FRMD4A: variants seen among roughly 807,000 people sequenced by gnomAD.
The protein encoded by FRMD4A is FERM domain-containing protein 4A.
FRMD4A carries 29 observed loss-of-function variants against 129.1 expected under a neutral mutation model. The ratio of observed to expected loss-of-function variants is 0.22; its 90% confidence interval spans 0.17 to 0.31. The LOEUF (loss-of-function observed/expected upper bound fraction) is 0.31, where lower values mean the gene tolerates loss of function less well. Ranked by LOEUF, FRMD4A falls within the 10% of genes least tolerant of loss-of-function variation. FRMD4A has a pLI of 1.00. For synonymous variants in FRMD4A, 634 were observed against 571.6 expected, an observed-to-expected ratio of 1.11 and a Z score of -1.56; for missense variants, 1,272 against 1,375.8, an observed-to-expected ratio of 0.92 and a Z score of 1.19.
chr10:14,179,045 A>G (rs1841825139), intron 2 of FRMD4A, among the ~76,000 whole-genome samples: 1 of 152,182 alleles, frequency 6.6e-6, no homozygotes, highest in African/African-American at 2.4e-5. Context: ...AAACTTCTCT[A>G]GACTAGGAGC....
chr10:13,800,792 G>A (rs550446438), intron 4 of FRMD4A, among the ~76,000 whole-genome samples: 82 of 152,284 alleles, frequency 5.4e-4, no homozygotes, highest in African/African-American at 1.8e-3. Flanking sequence ...CATCCACAGA[G>A]GACAAACAGA....
At chr10:14,236,995 CAAAAA>C (rs71477244) in intron 2 of FRMD4A, among the ~76,000 whole-genome samples, 8,403 of 75,162 alleles carry the variant, frequency 0.11, 199 homozygotes, top group South Asian at 0.13. Flanking sequence ...AACAGGTCAG[CAAAAA>C]AAAAAAAAAA....
intron 2 of FRMD4A, among the ~76,000 whole-genome samples, chr10:14,027,007 A>G (rs920731258): frequency 1.3e-5 from 2 of 152,206 alleles, no homozygotes; most frequent in Non-Finnish European, 2.9e-5. Context: ...TATGGGTTAC[A>G]TGAGATATTT....
chr10:13,750,120 G>GAAAGAAAGAAAGAA (rs2091535391), intron 8 of FRMD4A, among the ~76,000 whole-genome samples: 2 of 133,784 alleles, frequency 1.5e-5, no homozygotes, highest in South Asian at 4.9e-4. Context: ...AAGAAAGAAA[G>GAAAGAAAGAAAGAA]AAAGAAAGAA....
At chr10:13,819,349 C>T (rs2093594832) in intron 3 of FRMD4A, among the ~76,000 whole-genome samples, 1 of 152,096 alleles carries the variant, frequency 6.6e-6, no homozygotes, top group Admixed American at 6.6e-5. Flanking sequence ...TTTGTACATT[C>T]CATTCTCCCC....
At chr10:13,701,604 C>G in intron 13 of FRMD4A, 126 bp from the exon 14 acceptor site, 1 of 773,806 alleles carries the variant, frequency 1.3e-6, no homozygotes, top group South Asian at 1.7e-5. Context: ...TAGATGAGCT[C>G]TCACATACAC....
intron 2 of FRMD4A, among the ~76,000 whole-genome samples, chr10:13,886,693 ATTTT>A (rs765407046): frequency 6.5e-4 from 99 of 152,146 alleles, no homozygotes; most frequent in Non-Finnish European, 1.1e-3. Flanking sequence ...CAATCCTCCC[ATTTT>A]AGCCTCCTGG....
At chr10:14,138,730 A>AGCCTG (rs1345779555) in intron 2 of FRMD4A, among the ~76,000 whole-genome samples, 3 of 152,056 alleles carry the variant, frequency 2.0e-5, no homozygotes, top group African/African-American at 7.2e-5. Flanking sequence ...ACTGCACTCC[A>AGCCTG]GCCTGGGCGA....
intron 2 of FRMD4A, among the ~76,000 whole-genome samples, chr10:14,305,389 C>A (rs372370596): frequency 1.5e-4 from 23 of 152,248 alleles, no homozygotes; most frequent in African/African-American, 5.5e-4. Flanking sequence ...GATTATATAT[C>A]TAAGAAATAT....
intron 12 of FRMD4A, among the ~76,000 whole-genome samples, chr10:13,713,899 TA>T (rs1208800974): frequency 7.6e-6 from 1 of 131,092 alleles, no homozygotes; most frequent in Non-Finnish European, 1.6e-5. Context: ...ATATATAATA[TA>T]TACATATATG....
chr10:13,776,501 G>A (rs142991698), intron 6 of FRMD4A, among the ~76,000 whole-genome samples: 58 of 152,332 alleles, frequency 3.8e-4, no homozygotes, highest in Admixed American at 3.9e-4. Flanking sequence ...CTATATGGAG[G>A]CAAATACTAG....
chr10:14,136,906 T>G (rs1395634097), intron 2 of FRMD4A, among the ~76,000 whole-genome samples: 22 of 152,240 alleles, frequency 1.4e-4, no homozygotes, highest in Non-Finnish European at 1.5e-5. Flanking sequence ...TACTTTTGAT[T>G]TCACAGGTAA....
At chr10:13,921,936 A>T (rs1441565592) in intron 2 of FRMD4A, among the ~76,000 whole-genome samples, 1 of 152,204 alleles carries the variant, frequency 6.6e-6, no homozygotes, top group African/African-American at 2.4e-5. Context: ...CTAACCTCCA[A>T]TGTGATGGTT....
intron 8 of FRMD4A, among the ~76,000 whole-genome samples, chr10:13,750,499 ACACGAAAGCTCAGAGGAAATAAAGG>A (rs2091562286): frequency 6.6e-6 from 1 of 152,202 alleles, no homozygotes; most frequent in Non-Finnish European, 1.5e-5. Flanking sequence ...CAAACAGCAG[ACACGAAAGCTCAGAGGAAATAAAGG>A]CACCCTTGGG....
intron 2 of FRMD4A, among the ~76,000 whole-genome samples, chr10:13,891,041 G>A (rs2094689765): frequency 6.6e-6 from 1 of 152,146 alleles, no homozygotes; most frequent in African/African-American, 2.4e-5. Context: ...CATTTGAGCA[G>A]CTGCCTCCAA....
intron 2 of FRMD4A, among the ~76,000 whole-genome samples, chr10:14,223,876 TG>T (rs1033376204): frequency 7.2e-5 from 11 of 151,910 alleles, no homozygotes; most frequent in African/African-American, 2.7e-4. Flanking sequence ...CTGCAACCCA[TG>T]GGCACCTGTG....
At chr10:13,940,990 T>C (rs1292947120) in intron 2 of FRMD4A, among the ~76,000 whole-genome samples, 1 of 152,172 alleles carries the variant, frequency 6.6e-6, no homozygotes, top group Admixed American at 6.5e-5. Flanking sequence ...AAGATTCTAA[T>C]GAACTCAGAA....
intron 18 of FRMD4A, among the ~76,000 whole-genome samples, chr10:13,663,770 A>C (rs2082812461): frequency 6.6e-6 from 1 of 152,156 alleles, no homozygotes; most frequent in African/African-American, 2.4e-5. Context: ...TTCATAGAAT[A>C]CTGCAATGCA....
intron 2 of FRMD4A, among the ~76,000 whole-genome samples, chr10:13,947,181 G>T (rs2095338115): frequency 6.6e-6 from 1 of 152,166 alleles, no homozygotes; most frequent in Non-Finnish European, 1.5e-5. Flanking sequence ...GAGTGTCCCA[G>T]GGGTTTTGGG....
Sources: gnomAD v4.1 joint callset for allele counts (sites outside exome capture counted in the v4.1 genomes callset) on GRCh38, gnomAD v4.1.1 for gene constraint, MANE v1.5 for transcripts, NCBI Gene and HGNC (gene_info 2026-07-23, HGNC 2026-07-21) for gene names.